The following ZNF804B variants were observed in gnomAD, a reference collection of about 807,000 sequenced individuals.
The protein encoded by ZNF804B is zinc finger protein 804B, also known as zinc finger 804B.
In ZNF804B, 80 loss-of-function variants were observed where a neutral mutation model predicts 101.4. The ratio of observed to expected loss-of-function variants is 0.79; its 90% CI spans 0.66 to 0.95. The LOEUF is 0.95. Ranked by LOEUF, ZNF804B falls within the 40% of genes least tolerant of loss-of-function variation. The probability of loss-of-function intolerance (pLI) is 0.00; values close to 1 mark genes in which losing one functional copy is unlikely to be tolerated. For synonymous variants in ZNF804B, 622 were observed against 558.8 expected (o/e 1.11, Z -1.59); for missense variants, 1,673 against 1,561.9 (o/e 1.07, Z -1.20).
intron 2 of ZNF804B, among the ~76,000 whole-genome samples, chr7:89,317,883 A>G (rs1003581655): frequency 1.8e-4 from 28 of 152,230 alleles, no homozygotes; most frequent in African/African-American, 6.8e-4. Context: ...TTTCTTCAAC[A>G]TTAATTCAAG....
intron 2 of ZNF804B, among the ~76,000 whole-genome samples, chr7:89,257,115 T>C (rs1179971186): frequency 6.6e-6 from 1 of 152,136 alleles, no homozygotes; most frequent in Non-Finnish European, 1.5e-5. Context: ...TTTGGGATTT[T>C]TTTTCTCATC....
At chr7:89,076,482 A>G (rs1425012600) in intron 1 of ZNF804B, among the ~76,000 whole-genome samples, 2 of 152,142 alleles carry the variant, frequency 1.3e-5, no homozygotes, top group Non-Finnish European at 2.9e-5. Flanking sequence ...GTGGAATTGT[A>G]AATCCATTAA....
chr7:89,145,730 C>G (rs973418391), intron 1 of ZNF804B, among the ~76,000 whole-genome samples: 9 of 151,992 alleles, frequency 5.9e-5, no homozygotes, highest in African/African-American at 2.2e-4. Flanking sequence ...TGTTAGTGAG[C>G]AGGTATGATG....
chr7:89,219,426 TA>T (rs1242603853), intron 2 of ZNF804B, among the ~76,000 whole-genome samples: 2 of 151,796 alleles, frequency 1.3e-5, no homozygotes, highest in Non-Finnish European at 2.9e-5. Context: ...GGGAAAAGCC[TA>T]GGGGTAATCA....
chr7:89,155,544 C>A (rs1458002881), intron 1 of ZNF804B, among the ~76,000 whole-genome samples: 1 of 152,126 alleles, frequency 6.6e-6, no homozygotes, highest in Non-Finnish European at 1.5e-5. Flanking sequence ...TTCTAAAACA[C>A]AAAACTAATA....
intron 2 of ZNF804B, among the ~76,000 whole-genome samples, chr7:89,256,649 T>C (rs1404720117): frequency 1.3e-5 from 2 of 152,066 alleles, no homozygotes; most frequent in African/African-American, 4.8e-5. Flanking sequence ...AACATAATAC[T>C]CAGCAAACAA....
In ZNF804B at chr7:89,053,059, A is replaced by G. The variant is rs117746126; in HGVS notation, c.109-165096A>G. On this transcript the variant is annotated intron_variant, in intron 1 of 3. Coordinates refer to ENST00000333190, the MANE Select transcript of ZNF804B (RefSeq NM_181646.5). The stretch of plus-strand genomic sequence containing the variant: ...TCGCCAACTTCTCTTGATACATACA[A>G]TTTAATTCAGGTATAATTATAACAG... Among the ~76,000 whole-genome samples, 557 of 152,272 alleles carry G rather than the reference A, an allele frequency of 3.7e-3. 3 individuals are homozygous for G. The highest frequency in any genetic ancestry group is 6.5e-3 in the Non-Finnish European group (442 of 68,008).
chr7:88,879,352 A>G (rs1448847444), intron 1 of ZNF804B, among the ~76,000 whole-genome samples: 1 of 152,234 alleles, frequency 6.6e-6, no homozygotes, highest in Non-Finnish European at 1.5e-5. Context: ...TTATGCACAA[A>G]GTATAGAAAG....
At chr7:89,135,604 AC>A (rs1382562846) in intron 1 of ZNF804B, among the ~76,000 whole-genome samples, 2 of 149,382 alleles carry the variant, frequency 1.3e-5, no homozygotes, top group African/African-American at 2.4e-5. Context: ...ATGTGTACAT[AC>A]TCTTACATCT....
chr7:89,113,280 G>C (rs1364701488), intron 1 of ZNF804B, among the ~76,000 whole-genome samples: 1 of 152,150 alleles, frequency 6.6e-6, no homozygotes, highest in African/African-American at 2.4e-5. Flanking sequence ...TGTGTGATGG[G>C]ATCATCGTAC....
rs1387944149 is a variant in ZNF804B at position 88,868,051 on chromosome 7, G to A, written c.108+107967G>A. On this transcript the variant is annotated intron_variant, in intron 1 of 3. Coordinates refer to ENST00000333190, the MANE Select transcript of ZNF804B (RefSeq NM_181646.5). ...AATTCTACTGTGTGTGTGTGTGAGTGTGTGTGTGTGTGTGTGTGTGTGTGT... is the reference window on the plus strand; with the variant it reads ...AATTCTACTGTGTGTGTGTGTGAGTATGTGTGTGTGTGTGTGTGTGTGTGT... Among the ~76,000 whole-genome samples the A allele has an allele frequency of 1.5e-4, 6 of 39,150 alleles. No individual in the cohort carries two copies. The East Asian group carries it at 0.01, about 67-fold the overall frequency. The allele number at this position is 39,150 out of a possible 152,430, so 25.7% of individuals were successfully genotyped here.
chr7:89,153,162 C>G (rs184554991), intron 1 of ZNF804B, among the ~76,000 whole-genome samples: 153 of 151,900 alleles, frequency 1.0e-3, no homozygotes, highest in African/African-American at 3.5e-3. Context: ...GATGACCTCG[C>G]TCATAGTTCT....
intron 1 of ZNF804B, among the ~76,000 whole-genome samples, chr7:88,769,434 A>G (rs1790031164): frequency 6.6e-6 from 1 of 152,224 alleles, no homozygotes; most frequent in African/African-American, 2.4e-5. Flanking sequence ...CAAATTGCAG[A>G]GTGCTTTATT....
intron 1 of ZNF804B, among the ~76,000 whole-genome samples, chr7:88,802,128 A>G (rs1328181469): frequency 1.3e-5 from 2 of 152,106 alleles, no homozygotes; most frequent in Non-Finnish European, 2.9e-5. Context: ...CCTCAAGTGA[A>G]GAAGCTCCTT....
chr7:89,304,855 G>A (rs1790536719), intron 2 of ZNF804B, among the ~76,000 whole-genome samples: 1 of 151,824 alleles, frequency 6.6e-6, no homozygotes, highest in Non-Finnish European at 1.5e-5. Context: ...TCTTACCTGG[G>A]TCTCATTTTC....
At chr7:89,278,293 TG>T (rs1275757305) in intron 2 of ZNF804B, among the ~76,000 whole-genome samples, 1 of 151,954 alleles carries the variant, frequency 6.6e-6, no homozygotes, top group African/African-American at 2.4e-5. Context: ...TCTCCCATTT[TG>T]TAGGTTGCCT....
intron 1 of ZNF804B, among the ~76,000 whole-genome samples, chr7:89,086,710 T>C (rs150147021): frequency 1.3e-5 from 2 of 152,118 alleles, no homozygotes; most frequent in African/African-American, 2.4e-5. Context: ...ATGGTGGAAT[T>C]ACAGAATGCA....
intron 1 of ZNF804B, among the ~76,000 whole-genome samples, chr7:89,171,283 CTG>C (rs1350563605): frequency 1.8e-5 from 1 of 55,066 alleles, no homozygotes; most frequent in Non-Finnish European, 4.2e-5. Flanking sequence ...AATAATGCTG[CTG>C]CTGCTTCTTC....
At chr7:89,101,067 T>G (rs916855109) in intron 1 of ZNF804B, among the ~76,000 whole-genome samples, 3 of 152,070 alleles carry the variant, frequency 2.0e-5, no homozygotes, top group African/African-American at 7.2e-5. Flanking sequence ...TTCTTCAAAC[T>G]GAAATTCATT....
Sources: allele counts gnomAD v4.1 joint callset (sites outside exome capture counted in the v4.1 genomes callset), GRCh38; gene constraint gnomAD v4.1.1; transcripts MANE v1.5; gene names NCBI Gene and HGNC (gene_info 2026-07-23, HGNC 2026-07-21).